N4BP3: variants seen among roughly 807,000 people sequenced by gnomAD.
The protein encoded by N4BP3 is NEDD4 binding protein 3, also known as NEDD4-binding protein 3.
Under a neutral mutation model 43.8 loss-of-function variants are expected in N4BP3, and 33 were observed. That is an observed-to-expected ratio of 0.75 (90% CI 0.57 to 1.01). The LOEUF is 1.01. Ranked by LOEUF, N4BP3 falls within the 50% of genes least tolerant of loss-of-function variation. The pLI is 0.00. For missense variants in N4BP3, 756 were observed against 744.2 expected (o/e 1.02, Z -0.18); for synonymous variants, 326 against 321.9 (o/e 1.01, Z -0.14).
chr5:178,123,001 T>C lies in N4BP3; in HGVS notation c.*1000T>C, dbSNP rs1007518902. 6.6e-6 allele frequency: 1 copy of C among 152,198 alleles called. No homozygotes were observed. The highest frequency in any genetic ancestry group is 6.5e-5 in the Admixed American group (1 of 15,282). 9.4% of individuals were successfully genotyped at this position (152,198 alleles called of 1,614,324 possible). A position where few individuals can be genotyped will look rare whatever the true frequency, so the allele number is the denominator to read the frequency against. Reference sequence around the variant, plus strand: ...TAAGTAGGGGTGAAATATGATTGATTTGCATTCTGGAAAGCTCTCCCAGGA... The same window carrying C: ...TAAGTAGGGGTGAAATATGATTGATCTGCATTCTGGAAAGCTCTCCCAGGA... On this transcript the variant is annotated 3_prime_UTR_variant, in exon 5 of 5. Coordinates refer to ENST00000274605, the MANE Select transcript of N4BP3 (RefSeq NM_015111.2).
At position 178,120,591 on chromosome 5, in the gene N4BP3, C is replaced by CG; in HGVS notation, c.745dup (p.Glu249GlyfsTer19). On this transcript the variant is annotated frameshift_variant, in exon 3 of 5. Transcript: ENST00000274605. LOFTEE classifies it high-confidence loss of function. ...GCCTGCCCGAGCCACCACCCCCCTA[C>CG]GAGTTCTCCTGCTCCTCTGCCGAGG... 6.2e-7 allele frequency: 1 copy of CG among 1,612,730 alleles called. No homozygotes were observed. The highest frequency in any genetic ancestry group is 1.1e-5 in the South Asian group (1 of 91,090).
In N4BP3 at chr5:178,119,908, G is replaced by A; in HGVS notation, c.325G>A (p.Asp109Asn). 1 of 1,601,878 alleles carries A rather than the reference G, an allele frequency of 6.2e-7. No individual in the cohort carries two copies. The highest frequency in any genetic ancestry group is 8.5e-7 in the Non-Finnish European group (1 of 1,176,380). Residue 109 changes from aspartate (D) to asparagine (N), a missense_variant, in exon 2 of 5, where the codon GAC becomes AAC. Asp to Asn is a conservative substitution (Grantham distance 23). Coordinates refer to ENST00000274605, the MANE Select transcript of N4BP3 (RefSeq NM_015111.2). The stretch of plus-strand genomic sequence containing the variant: ...CTCGCTGCCAGAACGGGGTCGCTTT[G>A]ACAAGGTGCACCTTTGCCCATGCCC... ...KTSLPERGRF[D>N]KCRIRPSVFK...
downstream of N4BP3, among the ~76,000 whole-genome samples, chr5:178,126,667 G>C (rs1298955385): frequency 6.6e-6 from 1 of 152,042 alleles, no homozygotes; most frequent in Non-Finnish European, 1.5e-5. Context: ...CTTCTCTGAT[G>C]TTCTCTTTTG....
chr5:178,122,074 G>A lies in N4BP3; in HGVS notation c.*73G>A. 1 of 1,477,306 alleles carries A rather than the reference G, an allele frequency of 6.8e-7. No homozygotes were observed. Among genetic ancestry groups the A allele is most frequent in the South Asian group, 1.4e-5 (1 of 72,282 alleles). The allele number at this position is 1,477,306 out of a possible 1,614,324, so 91.5% of individuals were successfully genotyped here. A position where few individuals can be genotyped will look rare whatever the true frequency, so the allele number is the denominator to read the frequency against. ...GAGACGGCCGGCTCAGCCTTCCCTT[G>A]CACTGGTTGGGGTGGAACCTGCAGA... On this transcript the variant is annotated 3_prime_UTR_variant, in exon 5 of 5. Transcript: ENST00000274605.
chr5:178,115,473 C>T (rs1757751268), intron 1 of N4BP3, among the ~76,000 whole-genome samples: 1 of 152,200 alleles, frequency 6.6e-6, no homozygotes, highest in Non-Finnish European at 1.5e-5. Flanking sequence ...GAGGGGCTGA[C>T]TGTAGCCAGG....
At position 178,118,576 on chromosome 5, in the gene N4BP3, G is replaced by A. The variant is rs1464926677; in HGVS notation, c.-30-978G>A. Among the ~76,000 whole-genome samples the A allele has an allele frequency of 1.3e-5, 2 of 152,110 alleles. No homozygotes were observed. The highest frequency in any genetic ancestry group is 2.1e-4 in the South Asian group (1 of 4,822). ...CTCCTCCACCCACCACTGCCCAGAC[G>A]GGAACACCTGTCCCGGAAACTGTGG... On this transcript the variant is annotated intron_variant, in intron 1 of 4. Coordinates refer to ENST00000274605, the MANE Select transcript of N4BP3 (RefSeq NM_015111.2). The surrounding 1 kb of genome is among the most constrained non-coding windows in gnomAD (Gnocchi z 5.4).
At chr5:178,119,349 G>A (rs368080160) in intron 1 of N4BP3, among the ~76,000 whole-genome samples, 2 of 152,218 alleles carry the variant, frequency 1.3e-5, no homozygotes, top group Non-Finnish European at 2.9e-5. Flanking sequence ...AGTGACAGAT[G>A]GGCAGGTGGC....
rs1438106148 is a variant in N4BP3 at position 178,118,726 on chromosome 5, G to A, written c.-30-828G>A. On this transcript the variant is annotated intron_variant, in intron 1 of 4. Coordinates refer to ENST00000274605, the MANE Select transcript of N4BP3 (RefSeq NM_015111.2). The surrounding 1 kb of genome is among the most constrained non-coding windows in gnomAD (Gnocchi z 5.4). ...GGGAGCTTTGCCCTTTGCAGGAAGA[G>A]GGCCTGCAGGGGTTACCCCTCTCCC... 6.6e-6 allele frequency among the ~76,000 whole-genome samples: 1 copy of A among 151,726 alleles called. No homozygotes were observed. The highest frequency in any genetic ancestry group is 1.5e-5 in the Non-Finnish European group (1 of 67,922).
chr5:178,114,559 C>A (rs1379560254), intron 1 of N4BP3, among the ~76,000 whole-genome samples: 1 of 152,114 alleles, frequency 6.6e-6, no homozygotes, highest in South Asian at 2.1e-4. Flanking sequence ...CACTGGGCCA[C>A]CCCCCGACCC....
At position 178,120,574 on chromosome 5, in the gene N4BP3, G is replaced by C. The variant is rs1316215793; in HGVS notation, c.727G>C (p.Glu243Gln). ...GPPAVLSCLP[E>Q]PPPPYEFSCS... is the part of the protein sequence containing the mutation. ...ACCAGCTGTGCTGAGCTGCCTGCCC[G>C]AGCCACCACCCCCCTACGAGTTCTC... Residue 243 changes from glutamate to glutamine, a missense_variant, in exon 3 of 5, where the codon GAG becomes CAG. Coordinates refer to ENST00000274605, the MANE Select transcript of N4BP3 (RefSeq NM_015111.2). 1 of 1,612,794 alleles carries C rather than the reference G, an allele frequency of 6.2e-7. No homozygotes were observed. The highest frequency in any genetic ancestry group is 8.5e-7 in the Non-Finnish European group (1 of 1,180,020).
intron 1 of N4BP3, among the ~76,000 whole-genome samples, chr5:178,114,260 C>T (rs1000448739): frequency 1.3e-5 from 2 of 152,238 alleles, no homozygotes; most frequent in African/African-American, 2.4e-5. Flanking sequence ...TCGCCTTCAC[C>T]CCTGCTTTCC....
chr5:178,126,666 T>TG (rs1008924845), downstream of N4BP3, among the ~76,000 whole-genome samples: 1 of 152,154 alleles, frequency 6.6e-6, no homozygotes, highest in African/African-American at 2.4e-5. Context: ...CCTTCTCTGA[T>TG]GTTCTCTTTT....
chr5:178,123,246 C>T lies in N4BP3; in HGVS notation c.*1245C>T, dbSNP rs1188316490. ...CTGTGTGAGTGGCGTCTCTCCCTTC[C>T]TTTGAGGGAAGCTCAGCTTTCTTAC... On this transcript the variant is annotated 3_prime_UTR_variant, in exon 5 of 5. Coordinates refer to ENST00000274605, the MANE Select transcript of N4BP3 (RefSeq NM_015111.2). 1 of 152,390 alleles carries T rather than the reference C, an allele frequency of 6.6e-6. No individual in the cohort carries two copies. Among genetic ancestry groups the T allele is most frequent in the Non-Finnish European group, 1.5e-5 (1 of 68,148 alleles). The allele number at this position is 152,390 out of a possible 1,614,324, so 9.4% of individuals were successfully genotyped here. A position where few individuals can be genotyped will look rare whatever the true frequency, so the allele number is the denominator to read the frequency against.
rs1757824921 is a variant in N4BP3, at chr5:178,118,491, GTGGTGGGCTT to G, written c.-30-1059_-30-1050del. 6.6e-6 allele frequency among the ~76,000 whole-genome samples: 1 copy of G among 152,214 alleles called. No individual in the cohort carries two copies. Among genetic ancestry groups the G allele is most frequent in the Admixed American group, 6.5e-5 (1 of 15,290 alleles). ...TAGGATTTGGGACCCACCCTGCCGGGTGGTGGGCTTTGGAATAAGAGCATATACAGGGGCT... is the reference window on the plus strand; with the variant it reads ...TAGGATTTGGGACCCACCCTGCCGGGTGGAATAAGAGCATATACAGGGGCT... On this transcript the variant is annotated intron_variant, in intron 1 of 4. Transcript: ENST00000274605. The surrounding 1 kb of genome is among the most constrained non-coding windows in gnomAD (Gnocchi z 5.4).
In N4BP3 at chr5:178,121,711, A is replaced by C; in HGVS notation, c.1345A>C (p.Ser449Arg). 1 of 1,609,692 alleles carries C rather than the reference A, an allele frequency of 6.2e-7. No homozygotes were observed. Among genetic ancestry groups the C allele is most frequent in the African/African-American group, 1.3e-5 (1 of 75,014 alleles). Reference sequence around the variant, plus strand: ...CAGCTGTGAGACTGATGACTGCAAGAGCAGGGGCCTGCTAGGGGAGGCAGG... The same window carrying C: ...CAGCTGTGAGACTGATGACTGCAAGCGCAGGGGCCTGCTAGGGGAGGCAGG... ...PGSCETDDCK[S>R]RGLLGEAGGS... The change falls in exon 5 of 5, where the codon AGC becomes CGC. Residue 449 changes from serine to arginine, a missense_variant. Coordinates refer to ENST00000274605, the MANE Select transcript of N4BP3 (RefSeq NM_015111.2).
chr5:178,122,323 C>A lies in N4BP3; in HGVS notation c.*322C>A, dbSNP rs1179388318. On this transcript the variant is annotated 3_prime_UTR_variant, in exon 5 of 5. Transcript: ENST00000274605. ...AGGTCAGAGGGAGAGAGGCTGGAGA[C>A]CTGGGCTGGGGCCTTCCTCCAGGGA... 14 of 298,410 alleles carry A rather than the reference C, an allele frequency of 4.7e-5. No individual in the cohort carries two copies. In the Admixed American group the frequency reaches 6.0e-4, roughly 13 times the overall value. 18.5% of individuals were successfully genotyped at this position (298,410 alleles called of 1,614,324 possible). A position where few individuals can be genotyped will look rare whatever the true frequency, so the allele number is the denominator to read the frequency against.
In N4BP3 at chr5:178,118,596, C is replaced by T. The variant is rs1305095983; in HGVS notation, c.-30-958C>T. 1.3e-5 allele frequency among the ~76,000 whole-genome samples: 2 copies of T among 152,190 alleles called. No individual in the cohort carries two copies. Among genetic ancestry groups the T allele is most frequent in the African/African-American group, 4.8e-5 (2 of 41,432 alleles). ...CAGACGGGAACACCTGTCCCGGAAA[C>T]TGTGGCCATTGTTCACGTCATCCTT... On this transcript the variant is annotated intron_variant, in intron 1 of 4. Coordinates refer to ENST00000274605, the MANE Select transcript of N4BP3 (RefSeq NM_015111.2). This position sits in a 1 kb window ranked among gnomAD's most constrained non-coding sequence, Gnocchi z 5.4.
chr5:178,119,434 CT>C, intron 1 of N4BP3, 119 bp from the exon 2 acceptor site: 2 of 668,058 alleles, frequency 3.0e-6, no homozygotes, highest in Non-Finnish European at 4.9e-6. Flanking sequence ...CCACATCTGC[CT>C]TACCTGGGCC....
In N4BP3 at chr5:178,120,330, G is replaced by T. The variant is rs758905077; in HGVS notation, c.483G>T (p.Gly161=). 1.6e-5 allele frequency: 25 copies of T among 1,607,526 alleles called. No homozygotes were observed. Among genetic ancestry groups the T allele is most frequent in the South Asian group, 1.4e-4 (13 of 90,818 alleles). ...TLACHPPLSP[G]PRASQARAQL... The stretch of plus-strand genomic sequence containing the variant: ...CCTGCCACCCGCCCCTGAGCCCCGG[G>T]CCCCGGGCCAGCCAGGCCCGGGCAC... Residue 161 remains glycine (G), a synonymous_variant, in exon 3 of 5, where the codon GGG becomes GGT. Transcript: ENST00000274605.
Sources: allele counts gnomAD v4.1 joint callset (sites outside exome capture counted in the v4.1 genomes callset), GRCh38; gene constraint gnomAD v4.1.1; non-coding constraint Gnocchi (gnomAD v3.1); transcripts MANE v1.5; gene names NCBI Gene and HGNC (gene_info 2026-07-23, HGNC 2026-07-21).